ANO2: variants seen among roughly 807,000 people sequenced by gnomAD.
ANO2 encodes the protein anoctamin 2.
Under a neutral mutation model 124.2 loss-of-function variants are expected in ANO2, and 101 were observed. The ratio of observed to expected loss-of-function variants is 0.81; its 90% CI spans 0.69 to 0.96. The LOEUF (loss-of-function observed/expected upper bound fraction) is 0.96. Among genes scored for constraint, ANO2 ranks in the 40% least tolerant of loss-of-function variants. The pLI is 0.00. For synonymous variants in ANO2, 486 were observed against 482.5 expected, an observed-to-expected ratio of 1.01 and a Z score of -0.09; for missense variants, 1,293 against 1,274.5, an observed-to-expected ratio of 1.01 and a Z score of -0.22.
intron 3 of ANO2, among the ~76,000 whole-genome samples, chr12:5,888,191 G>T (rs1216780334): frequency 6.6e-6 from 1 of 152,070 alleles, no homozygotes; most frequent in African/African-American, 2.4e-5. Flanking sequence ...GACCTTCGCG[G>T]TGAGTGTTAC....
intron 15 of ANO2, among the ~76,000 whole-genome samples, chr12:5,637,543 C>T (rs1394736208): frequency 1.2e-5 from 1 of 80,504 alleles, no homozygotes; most frequent in East Asian, 5.8e-4. Context: ...CTCTTTGCTA[C>T]TCAAAAATGT....
intron 7 of ANO2, 147 bp from the exon 8 acceptor site, chr12:5,807,515 G>A: frequency 1.7e-6 from 1 of 579,148 alleles, no homozygotes; most frequent in Non-Finnish European, 2.9e-6. Flanking sequence ...AGAACTTTTT[G>A]TCAAGCTCTG....
chr12:5,709,177 G>C (rs1389233210), intron 14 of ANO2, among the ~76,000 whole-genome samples: 2 of 152,170 alleles, frequency 1.3e-5, no homozygotes, highest in African/African-American at 4.8e-5. Flanking sequence ...TCAACTAAAT[G>C]TGCTGTCCCA....
In ANO2 at chr12:5,628,687, T is replaced by TGTGTGTGTGTGC. The variant is rs989599957; in HGVS notation, c.1816+6464_1816+6465insGCACACACACAC. Among the ~76,000 whole-genome samples the TGTGTGTGTGTGC allele has an allele frequency of 4.8e-5, 7 of 146,000 alleles. No individual in the cohort carries two copies. The East Asian group carries it at 5.9e-4, about 12-fold the overall frequency. ...CAGAGAGTGTGTGTGTGTGTGTGTG[T>TGTGTGTGTGTGC]GCGCGCGCGCACGCGTGCGTGCACA... On this transcript the variant is annotated intron_variant, in intron 16 of 24. Coordinates refer to ENST00000682330, the MANE Select transcript of ANO2 (RefSeq NM_001364791.2).
chr12:5,763,354 C>T (rs1329129678), intron 10 of ANO2, among the ~76,000 whole-genome samples: 2 of 152,006 alleles, frequency 1.3e-5, no homozygotes, highest in African/African-American at 4.8e-5. Context: ...TCGCATAATG[C>T]TATTAGTCAT....
chr12:5,588,391 A>C (rs3782588), intron 20 of ANO2, among the ~76,000 whole-genome samples: 104,172 of 151,936 alleles, frequency 0.69, 35,822 homozygotes, highest in African/African-American at 0.75. Context: ...AGCCCAAGTT[A>C]CTACAGGTCT....
intron 14 of ANO2, among the ~76,000 whole-genome samples, chr12:5,678,847 T>C (rs925839663): frequency 3.3e-5 from 5 of 152,254 alleles, no homozygotes; most frequent in Admixed American, 6.5e-5. Flanking sequence ...GCAGCAGGTA[T>C]ATCCGTGAAG....
chr12:5,899,335 G>C (rs954267006), intron 3 of ANO2, among the ~76,000 whole-genome samples: 1 of 152,112 alleles, frequency 6.6e-6, no homozygotes, highest in Non-Finnish European at 1.5e-5. Context: ...ACACTTAGTG[G>C]GTTAGCAGCT....
intron 15 of ANO2, among the ~76,000 whole-genome samples, chr12:5,646,158 T>C (rs921856098): frequency 6.6e-6 from 1 of 152,206 alleles, no homozygotes; most frequent in Non-Finnish European, 1.5e-5. Context: ...ATTTCTATCC[T>C]CCCTGCTCCC....
intron 20 of ANO2, among the ~76,000 whole-genome samples, chr12:5,593,072 T>G (rs1295285475): frequency 3.3e-5 from 5 of 152,196 alleles, no homozygotes; most frequent in Non-Finnish European, 4.4e-5. Context: ...TGGCTTTTAC[T>G]CCAAATGAAT....
At position 5,636,605 on chromosome 12, in the gene ANO2, TACACAC is replaced by T. The variant is rs61059041; in HGVS notation, c.1621-1264_1621-1259del. Among the ~76,000 whole-genome samples, 2,193 of 118,550 alleles carry T rather than the reference TACACAC, an allele frequency of 0.018. 30 individuals are homozygous for T. The highest frequency in any genetic ancestry group is 0.045 in the African/African-American group (1,371 of 30,770). 77.8% of individuals were successfully genotyped at this position (118,550 alleles called of 152,430 possible). On this transcript the variant is annotated intron_variant, in intron 15 of 24. Transcript: ENST00000682330. The surrounding 1 kb of genome is among the most constrained non-coding windows in gnomAD (Gnocchi z 4.6). ...CCTGAAAAAATAAGCTGTGCTGGAC[TACACAC>T]ACACACACACACACACACACACACA...
At chr12:5,593,701 T>C (rs1457297054) in intron 20 of ANO2, among the ~76,000 whole-genome samples, 2 of 152,216 alleles carry the variant, frequency 1.3e-5, no homozygotes, top group African/African-American at 2.4e-5. Context: ...GCACTCTACA[T>C]GCATCAACTG....
chr12:5,871,134 G>A (rs528319482), intron 3 of ANO2, among the ~76,000 whole-genome samples: 2 of 152,108 alleles, frequency 1.3e-5, no homozygotes, highest in Admixed American at 1.3e-4. Flanking sequence ...ACAGGAAAAC[G>A]GCCATAGAGA....
rs562657220 is a variant in ANO2, at chr12:5,683,200, T to C, written c.1546-35399A>G. 2.6e-5 allele frequency among the ~76,000 whole-genome samples: 4 copies of C among 152,320 alleles called. 1 individual carries two copies. In the South Asian group the frequency reaches 8.3e-4, roughly 32 times the overall value. On this transcript the variant is annotated intron_variant, in intron 14 of 24. Transcript: ENST00000682330. ...CATAAGTCTTCCATCTCCTTCTCTC[T>C]ATTTAACTCCACAATTAAAGGTAGA...
At position 5,658,915 on chromosome 12, in the gene ANO2, G is replaced by T. The variant is rs182903801; in HGVS notation, c.1546-11114C>A. Among the ~76,000 whole-genome samples the T allele has an allele frequency of 4.5e-4, 69 of 152,166 alleles. No individual in the cohort carries two copies. Among genetic ancestry groups the T allele is most frequent in the Non-Finnish European group, 5.9e-4 (40 of 68,010 alleles). The stretch of plus-strand genomic sequence containing the variant: ...ATTAAAATCATCATCAGCAACAGCA[G>T]CATCATCATCATCATTGCTTTATCC... On this transcript the variant is annotated intron_variant, in intron 14 of 24. Coordinates refer to ENST00000682330, the MANE Select transcript of ANO2 (RefSeq NM_001364791.2). The surrounding 1 kb of genome is among the most constrained non-coding windows in gnomAD (Gnocchi z 4.3).
Position 5,635,292 on chromosome 12 carries a change from G to A in ANO2, c.1676C>T (p.Ala559Val), listed in dbSNP as rs373762182. The A allele has an allele frequency of 8.7e-6, 14 of 1,609,040 alleles. No individual in the cohort carries two copies. The highest frequency in any genetic ancestry group is 1.1e-5 in the Non-Finnish European group (13 of 1,178,622). ...AGCCTTATTGAGAGACAGAGCGGCT[G>A]CAGTTGTTATTCGATACACTATCAC... Reference protein sequence around the residue: ...FGVIVYRITTAAALSLNKATR... With the variant: ...FGVIVYRITTVAALSLNKATR... The change falls in exon 16 of 25, where the codon GCA becomes GTA. Residue 559 changes from alanine to valine, a missense_variant. Transcript: ENST00000682330. The surrounding 1 kb of genome is among the most constrained non-coding windows in gnomAD (Gnocchi z 5.2).
chr12:5,863,160 T>C (rs1425284547), intron 3 of ANO2, among the ~76,000 whole-genome samples: 2 of 152,134 alleles, frequency 1.3e-5, no homozygotes, highest in African/African-American at 2.4e-5. Context: ...TGGTATGTCT[T>C]TTTTAGCAGC....
At chr12:5,851,415 T>A (rs151020224) in intron 4 of ANO2, among the ~76,000 whole-genome samples, 6 of 151,940 alleles carry the variant, frequency 3.9e-5, no homozygotes, top group South Asian at 4.2e-4. Context: ...TGGCTGGGTG[T>A]GGTGGCTCAC....
At chr12:5,899,257 T>A (rs1380887531) in intron 3 of ANO2, among the ~76,000 whole-genome samples, 1 of 152,186 alleles carries the variant, frequency 6.6e-6, no homozygotes, top group African/African-American at 2.4e-5. Context: ...CTTCATCTTA[T>A]TAAGAATTCT....
Sources: allele counts gnomAD v4.1 joint callset (sites outside exome capture counted in the v4.1 genomes callset), GRCh38; gene constraint gnomAD v4.1.1; non-coding constraint Gnocchi (gnomAD v3.1); transcripts MANE v1.5; gene names NCBI Gene and HGNC (gene_info 2026-07-23, HGNC 2026-07-21).